Variants in HIP1 observed in about 807,000 individuals in gnomAD.
HIP1 encodes huntingtin-interacting protein 1.
A neutral mutation model predicts 147.6 loss-of-function variants in HIP1; 65 were observed. The observed-to-expected ratio is 0.44, with a 90% CI of 0.36 to 0.54. HIP1 has a LOEUF of 0.54. HIP1 is among the 20% of genes least tolerant of loss of function. The probability of loss-of-function intolerance (pLI) is 0.00; values close to 1 mark genes in which losing one functional copy is unlikely to be tolerated. For missense variants in HIP1, 1,061 were observed against 1,299.6 expected, an observed-to-expected ratio of 0.82 and a Z score of 2.82; for synonymous variants, 479 against 504.0, an observed-to-expected ratio of 0.95 and a Z score of 0.67.
chr7:75,595,564 G>A (rs782686011), intron 2 of HIP1, among the ~76,000 whole-genome samples: 8 of 151,798 alleles, frequency 5.3e-5, no homozygotes, highest in African/African-American at 9.7e-5. Flanking sequence ...GGCTGGTCTC[G>A]AACTCCTGGC....
intron 1 of HIP1, among the ~76,000 whole-genome samples, chr7:75,718,126 T>A (rs1024363894): frequency 5.9e-5 from 9 of 151,690 alleles, no homozygotes; most frequent in South Asian, 2.1e-4. Flanking sequence ...CTAAAAAAAA[T>A]TATTTAAAAA....
chr7:75,664,593 T>G lies in HIP1; in HGVS notation c.121-65346A>C, dbSNP rs546053298. 2.3e-3 allele frequency among the ~76,000 whole-genome samples: 303 copies of G among 134,432 alleles called. 4 individuals are homozygous for G. Among genetic ancestry groups the G allele is most frequent in the African/African-American group, 7.6e-3 (292 of 38,402 alleles). The allele number at this position is 134,432 out of a possible 152,430, so 88.2% of individuals were successfully genotyped here. On this transcript the variant is annotated intron_variant, in intron 1 of 30. Coordinates refer to ENST00000336926, the MANE Select transcript of HIP1 (RefSeq NM_005338.7). ...ACGTATACATACATATATATATGTA[T>G]AGGGAGAGAGAGAGAGAGAGAGAGA...
intron 1 of HIP1, among the ~76,000 whole-genome samples, chr7:75,672,975 T>A (rs1211827689): frequency 6.6e-6 from 1 of 152,096 alleles, no homozygotes; most frequent in Non-Finnish European, 1.5e-5. Context: ...AACACCACTT[T>A]GACTACTGCA....
intron 12 of HIP1, among the ~76,000 whole-genome samples, chr7:75,561,656 T>C (rs782115262): frequency 6.6e-6 from 1 of 152,194 alleles, no homozygotes; most frequent in Non-Finnish European, 1.5e-5. Context: ...TTTTCGGTTT[T>C]GTTTTAGAGA....
chr7:75,714,200 C>T (rs932403545), intron 1 of HIP1, among the ~76,000 whole-genome samples: 4 of 151,418 alleles, frequency 2.6e-5, no homozygotes, highest in Admixed American at 1.3e-4. Context: ...CCATCATGCC[C>T]GGCTAATTTT....
chr7:75,613,183 C>T (rs1489699830), intron 1 of HIP1, among the ~76,000 whole-genome samples: 1 of 151,996 alleles, frequency 6.6e-6, no homozygotes, highest in African/African-American at 2.4e-5. Context: ...GTACAGGTGG[C>T]AATAGCTCAG....
rs77689103 is a variant in HIP1, at chr7:75,707,514, T to C, written c.120+31287A>G. Among the ~76,000 whole-genome samples the C allele has an allele frequency of 1.6e-3, 238 of 146,572 alleles. 3 individuals are homozygous for C. Among genetic ancestry groups the C allele is most frequent in the African/African-American group, 5.6e-3 (219 of 38,772 alleles). ...TTTCTTGTAAATTTGTTTGAGTTCA[T>C]TGTAGATTCTGGATATTAGCCCTTT... On this transcript the variant is annotated intron_variant, in intron 1 of 30. Transcript: ENST00000336926.
chr7:75,671,322 G>T (rs1799725950), intron 1 of HIP1, among the ~76,000 whole-genome samples: 1 of 152,002 alleles, frequency 6.6e-6, no homozygotes, highest in Non-Finnish European at 1.5e-5. Context: ...TCAAACTCCT[G>T]ACCTCAAGTG....
Position 75,639,230 on chromosome 7 carries a change from G to C in HIP1, c.121-39983C>G, listed in dbSNP as rs1272753151. ...GGCGGCGGCGGCGGCACCAAGGCTG[G>C]ACCGGAGAAAGGAAGGGGAGGGGGA... On this transcript the variant is annotated intron_variant, in intron 1 of 30. Transcript: ENST00000336926. 1.0e-5 allele frequency: 10 copies of C among 977,226 alleles called. No individual in the cohort carries two copies. The Admixed American group carries it at 3.8e-4, about 37-fold the overall frequency. 60.5% of individuals were successfully genotyped at this position (977,226 alleles called of 1,614,324 possible). A position where few individuals can be genotyped will look rare whatever the true frequency, so the allele number is the denominator to read the frequency against.
intron 1 of HIP1, among the ~76,000 whole-genome samples, chr7:75,659,742 G>T (rs1457630612): frequency 6.6e-6 from 1 of 152,134 alleles, no homozygotes; most frequent in South Asian, 2.1e-4. Context: ...AAAAACTCAC[G>T]GTCTTCCTCT....
chr7:75,686,856 T>C (rs1800278266), intron 1 of HIP1, among the ~76,000 whole-genome samples: 2 of 146,768 alleles, frequency 1.4e-5, no homozygotes, highest in African/African-American at 2.5e-5. Flanking sequence ...TTTTTTTTTT[T>C]TTTTTTTTTT....
In HIP1 at chr7:75,556,087, T is replaced by A; in HGVS notation, c.1766A>T (p.Glu589Val). The A allele has an allele frequency of 6.2e-7, 1 of 1,614,076 alleles. No individual in the cohort carries two copies. The change falls in exon 18 of 31, where the codon GAG becomes GTG. Residue 589 changes from glutamate (E) to valine (V), a missense_variant. Physicochemically the swap from Glu to Val is moderately radical, Grantham distance 121. Coordinates refer to ENST00000336926, the MANE Select transcript of HIP1 (RefSeq NM_005338.7). ...TTCTTTCCGAAGAGCAGATAATTCC[T>A]CCTCCCTATGAGCTGCGCCACTCAC... is the stretch of plus-strand genomic sequence containing the variant. ...SLVSGAAHRE[E>V]ELSALRKELQ...
chr7:75,686,843 C>CTTTTTTTTTTTTTT (rs55942242), intron 1 of HIP1, among the ~76,000 whole-genome samples: 3 of 80,140 alleles, frequency 3.7e-5, no homozygotes, highest in African/African-American at 5.2e-5. Context: ...TATTTTAGTT[C>CTTTTTTTTTTTTTT]TTTTTTTTTT....
chr7:75,580,635 G>A (rs139110493), intron 7 of HIP1, among the ~76,000 whole-genome samples: 1 of 152,158 alleles, frequency 6.6e-6, no homozygotes, highest in Non-Finnish European at 1.5e-5. Context: ...AGCTACTTGG[G>A]AGGCTGAGGT....
At chr7:75,727,436 G>T (rs1389038780) in intron 1 of HIP1, among the ~76,000 whole-genome samples, 1 of 149,160 alleles carries the variant, frequency 6.7e-6, no homozygotes, top group Non-Finnish European at 1.5e-5. Flanking sequence ...TTTTTTGTTT[G>T]TTTCTCTTAA....
At chr7:75,702,533 T>C (rs1192089224) in intron 1 of HIP1, among the ~76,000 whole-genome samples, 1 of 152,208 alleles carries the variant, frequency 6.6e-6, no homozygotes, top group Non-Finnish European at 1.5e-5. Context: ...CATGAGCCAC[T>C]GTGCCTGGCA....
intron 1 of HIP1, among the ~76,000 whole-genome samples, chr7:75,725,408 T>C (rs947339402): frequency 6.6e-6 from 1 of 152,250 alleles, no homozygotes; most frequent in African/African-American, 2.4e-5. Flanking sequence ...TAATGAATTA[T>C]CAAAAACCAT....
At chr7:75,647,708 T>C (rs1197212331) in intron 1 of HIP1, among the ~76,000 whole-genome samples, 1 of 152,254 alleles carries the variant, frequency 6.6e-6, no homozygotes, top group Non-Finnish European at 1.5e-5. Flanking sequence ...CTGCTGGCCC[T>C]GGCAGCAGCT....
intron 1 of HIP1, among the ~76,000 whole-genome samples, chr7:75,711,284 T>G (rs138371680): frequency 6.6e-6 from 1 of 152,334 alleles, no homozygotes; most frequent in African/African-American, 2.4e-5. Context: ...AGCAAACTCT[T>G]TAGCAAAGTA....
Sources: allele counts gnomAD v4.1 joint callset (sites outside exome capture counted in the v4.1 genomes callset), GRCh38; gene constraint gnomAD v4.1.1; transcripts MANE v1.5; gene names NCBI Gene and HGNC (gene_info 2026-07-23, HGNC 2026-07-21).